The following SLC23A2 variants were observed in gnomAD, a reference collection of about 807,000 sequenced individuals.
SLC23A2 encodes the protein Na(+)/L-ascorbic acid transporter 2.
SLC23A2 carries 36 observed loss-of-function variants against 73.3 expected under a neutral mutation model. The ratio of observed to expected loss-of-function variants is 0.49; its 90% CI spans 0.38 to 0.65. The LOEUF (loss-of-function observed/expected upper bound fraction) is 0.65. SLC23A2 is among the 30% of genes least tolerant of loss of function. The pLI is 0.00. For missense variants in SLC23A2, 507 were observed against 841.6 expected, an observed-to-expected ratio of 0.60 and a Z score of 4.92; for synonymous variants, 343 against 327.3, an observed-to-expected ratio of 1.05 and a Z score of -0.52.
intron 1 of SLC23A2, among the ~76,000 whole-genome samples, chr20:4,995,533 C>T (rs1048423056): frequency 6.6e-5 from 10 of 152,150 alleles, no homozygotes; most frequent in Admixed American, 2.0e-4. Context: ...AACTCAGTTA[C>T]CCTCTCCCAG....
At chr20:4,878,322 G>C (rs1199714317) in intron 9 of SLC23A2, among the ~76,000 whole-genome samples, 1 of 151,980 alleles carries the variant, frequency 6.6e-6, no homozygotes, top group African/African-American at 2.4e-5. Flanking sequence ...GAGTAGCTGA[G>C]ATTACAGGTG....
At chr20:4,936,246 C>T (rs574324596) in intron 2 of SLC23A2, among the ~76,000 whole-genome samples, 31 of 152,288 alleles carry the variant, frequency 2.0e-4, no homozygotes, top group Middle Eastern at 3.4e-3. Flanking sequence ...GAAGGAGCCA[C>T]AGTGGACCTC....
chr20:4,954,875 G>A (rs1401683172), intron 2 of SLC23A2, among the ~76,000 whole-genome samples: 4 of 152,116 alleles, frequency 2.6e-5, no homozygotes, highest in East Asian at 1.9e-4. Flanking sequence ...ACACCCAGAG[G>A]GGTGCCCTTT....
At chr20:4,898,519 G>C (rs868638140) in intron 6 of SLC23A2, among the ~76,000 whole-genome samples, 20 of 152,242 alleles carry the variant, frequency 1.3e-4, no homozygotes, top group African/African-American at 4.8e-4. Flanking sequence ...GTCTCTGACA[G>C]AGCAAGAGAC....
At chr20:4,922,173 G>A (rs1932518703) in intron 3 of SLC23A2, among the ~76,000 whole-genome samples, 1 of 152,144 alleles carries the variant, frequency 6.6e-6, no homozygotes. Context: ...AGTTAGTGGG[G>A]GTGGGGATTA....
chr20:4,858,292 C>A (rs954300115), intron 16 of SLC23A2, among the ~76,000 whole-genome samples: 3 of 152,232 alleles, frequency 2.0e-5, no homozygotes, highest in Admixed American at 6.5e-5. Flanking sequence ...GCACACAGGG[C>A]TCAGCAAGGA....
intron 2 of SLC23A2, among the ~76,000 whole-genome samples, chr20:4,941,132 G>C (rs2087034033): frequency 6.6e-6 from 1 of 151,866 alleles, no homozygotes; most frequent in African/African-American, 2.4e-5. Context: ...CTCCAGCCTG[G>C]GCGACAGAGC....
chr20:4,860,862 GA>G, intron 15 of SLC23A2, among the ~76,000 whole-genome samples: 1 of 152,296 alleles, frequency 6.6e-6, no homozygotes, highest in East Asian at 1.9e-4. Context: ...CCAACATGGT[GA>G]AACCCCGTCT....
intron 3 of SLC23A2, among the ~76,000 whole-genome samples, chr20:4,926,637 A>G (rs1032645085): frequency 6.6e-6 from 1 of 151,732 alleles, no homozygotes; most frequent in Admixed American, 6.6e-5. Context: ...GGATAAGAAG[A>G]AGATCTTTTG....
rs951761542 is a variant in SLC23A2, at chr20:4,986,470, T to C, written c.-282+14936A>G. ...CTGGGATTACAGCTGCCTGCCACCATGTCCGACTAATTTTTGTATTTTTAG... is the reference window on the plus strand; with the variant it reads ...CTGGGATTACAGCTGCCTGCCACCACGTCCGACTAATTTTTGTATTTTTAG... On this transcript the variant is annotated intron_variant, in intron 1 of 16. Transcript: ENST00000338244. Among the ~76,000 whole-genome samples, 3 of 152,068 alleles carry C rather than the reference T, an allele frequency of 2.0e-5. No individual in the cohort carries two copies. In the South Asian group the frequency reaches 6.2e-4, roughly 31 times the overall value.
chr20:4,939,507 C>A (rs2087009271), intron 2 of SLC23A2, among the ~76,000 whole-genome samples: 1 of 152,226 alleles, frequency 6.6e-6, no homozygotes, highest in African/African-American at 2.4e-5. Context: ...TTACAAAACA[C>A]ATGAGCAAGC....
In SLC23A2 at chr20:4,853,091, C is replaced by T. The variant is rs1405884366; in HGVS notation, c.*3881G>A. On this transcript the variant is annotated 3_prime_UTR_variant, in exon 17 of 17. Coordinates refer to ENST00000338244, the MANE Select transcript of SLC23A2 (RefSeq NM_005116.6). The stretch of plus-strand genomic sequence containing the variant: ...AGTACAACAGGCAGCACGTTAAGTC[C>T]CTGGGCTCTTTTCCAAAGCCAAGAG... 1 of 152,364 alleles carries T rather than the reference C, an allele frequency of 6.6e-6. No homozygotes were observed. Among genetic ancestry groups the T allele is most frequent in the East Asian group, 1.9e-4 (1 of 5,184 alleles). 9.4% of individuals were successfully genotyped at this position (152,364 alleles called of 1,614,324 possible). A position where few individuals can be genotyped will look rare whatever the true frequency, so the allele number is the denominator to read the frequency against.
At position 4,899,727 on chromosome 20, in the gene SLC23A2, A is replaced by G; in HGVS notation, c.325-15T>C. 1 of 1,613,086 alleles carries G rather than the reference A, an allele frequency of 6.2e-7. No homozygotes were observed. Among genetic ancestry groups the G allele is most frequent in the Non-Finnish European group, 8.5e-7 (1 of 1,179,168 alleles). On this transcript the variant is annotated splice_polypyrimidine_tract_variant and intron_variant, in intron 5 of 16. Transcript: ENST00000338244. This position sits in a 1 kb window ranked among gnomAD's most constrained non-coding sequence, Gnocchi z 4.9. ...GTCAGGTAGTGCTGTGGGCAGGAAA[A>G]GGGTCAGAGGAGAAACAGTAAACCC...
intron 2 of SLC23A2, among the ~76,000 whole-genome samples, chr20:4,962,725 G>A (rs771616332): frequency 1.3e-4 from 19 of 151,700 alleles, no homozygotes; most frequent in African/African-American, 4.1e-4. Flanking sequence ...ATGGCCTGGC[G>A]CAGTGGTTCA....
chr20:4,888,301 G>A (rs536538651), intron 6 of SLC23A2, among the ~76,000 whole-genome samples: 11 of 152,310 alleles, frequency 7.2e-5, no homozygotes, highest in African/African-American at 2.6e-4. Context: ...CTATCACGGT[G>A]GAGCTCAGCA....
intron 1 of SLC23A2, among the ~76,000 whole-genome samples, chr20:5,000,314 TA>T (rs2088097237): frequency 6.6e-6 from 1 of 151,936 alleles, no homozygotes; most frequent in Non-Finnish European, 1.5e-5. Flanking sequence ...AAGCATAAAA[TA>T]AAAATGCTCC....
chr20:4,964,007 A>G (rs910339222), intron 2 of SLC23A2, among the ~76,000 whole-genome samples: 3 of 129,266 alleles, frequency 2.3e-5, no homozygotes, highest in African/African-American at 8.9e-5. Context: ...ATTGCCATTA[A>G]CTTATTTTTT....
chr20:4,961,375 C>T (rs1600176765), intron 2 of SLC23A2, among the ~76,000 whole-genome samples: 1 of 152,108 alleles, frequency 6.6e-6, no homozygotes, highest in Non-Finnish European at 1.5e-5. Flanking sequence ...AGCCACCACG[C>T]CTGGCCTATC....
intron 1 of SLC23A2, among the ~76,000 whole-genome samples, chr20:4,971,629 A>G (rs2087561793): frequency 1.3e-5 from 2 of 151,702 alleles, no homozygotes; most frequent in African/African-American, 4.9e-5. Flanking sequence ...AAAAAAAAAA[A>G]AAAAAAAATT....
Sources: allele counts gnomAD v4.1 joint callset (sites outside exome capture counted in the v4.1 genomes callset), GRCh38; gene constraint gnomAD v4.1.1; non-coding constraint Gnocchi (gnomAD v3.1); transcripts MANE v1.5; gene names NCBI Gene and HGNC (gene_info 2026-07-23, HGNC 2026-07-21).